ZDHHC9: variants seen among roughly 807,000 people sequenced by gnomAD.
The protein encoded by ZDHHC9 is zDHHC palmitoyltransferase 9.
ZDHHC9 carries 3 observed loss-of-function variants against 26.6 expected under a neutral mutation model. The observed-to-expected ratio is 0.11, with a 90% CI of 0.05 to 0.29. The LOEUF (loss-of-function observed/expected upper bound fraction) is 0.29, where lower values mean the gene tolerates loss of function less well. Among genes scored for constraint, ZDHHC9 ranks in the 10% least tolerant of loss-of-function variants. The probability of loss-of-function intolerance (pLI) is 1.00; values close to 1 mark genes in which losing one functional copy is unlikely to be tolerated. For synonymous variants in ZDHHC9, 111 were observed against 109.4 expected, an observed-to-expected ratio of 1.01 and a Z score of -0.09; for missense variants, 146 against 296.4, an observed-to-expected ratio of 0.49 and a Z score of 3.73.
intron 3 of ZDHHC9, among the ~76,000 whole-genome samples, chrX:129,841,327 C>G (rs748178430): frequency 8.9e-6 from 1 of 112,323 alleles, no homozygotes; most frequent in South Asian, 3.7e-4. Flanking sequence ...AGGTTCCCAA[C>G]TCAGTTGGCT....
chrX:129,812,406 G>C (rs968855651), intron 8 of ZDHHC9, among the ~76,000 whole-genome samples: 1 of 112,236 alleles, frequency 8.9e-6, no homozygotes, highest in Non-Finnish European at 1.9e-5. Context: ...TTTTTATATA[G>C]CAAGGATTCA....
intron 5 of ZDHHC9, among the ~76,000 whole-genome samples, chrX:129,819,793 G>GT (rs1308656288): frequency 1.8e-5 from 2 of 110,853 alleles, no homozygotes; most frequent in Non-Finnish European, 3.8e-5. Context: ...CACCTCATGG[G>GT]TTTTTTATTC....
rs1033348609 is a variant in ZDHHC9, at chrX:129,828,233, G to A, written c.328+748C>T. On this transcript the variant is annotated intron_variant, in intron 4 of 10. Coordinates refer to ENST00000357166, the MANE Select transcript of ZDHHC9 (RefSeq NM_016032.4). Reference sequence around the variant, plus strand: ...ATGCATATAAGAGCATTTTTATGGGGAGAAGGTTTACAGCTTTCATCAAAA... The same window carrying A: ...ATGCATATAAGAGCATTTTTATGGGAAGAAGGTTTACAGCTTTCATCAAAA... Among the ~76,000 whole-genome samples the A allele has an allele frequency of 4.5e-5, 5 of 111,960 alleles. No individual in the cohort carries two copies. In the Admixed American group the frequency reaches 4.7e-4, roughly 11 times the overall value.
chrX:129,841,553 G>A (rs1323165433), intron 3 of ZDHHC9, among the ~76,000 whole-genome samples: 1 of 112,017 alleles, frequency 8.9e-6, no homozygotes, highest in Non-Finnish European at 1.9e-5. Context: ...ATCAAGGACA[G>A]CCCCAAATCA....
chrX:129,813,763 T>C, intron 6 of ZDHHC9, 38 bp from the exon 7 acceptor site: 1 of 1,146,936 alleles, frequency 8.7e-7, no homozygotes. Context: ...GAAAAATTAG[T>C]GACTTCAGTC....
intron 6 of ZDHHC9, 65 bp from the exon 7 acceptor site, chrX:129,813,790 C>T (rs1927699087): frequency 1.0e-6 from 1 of 982,918 alleles, no homozygotes; most frequent in African/African-American, 1.9e-5. Flanking sequence ...ACACACTATC[C>T]TAGTGCCTAC....
At chrX:129,830,846 C>T (rs1277588766) in intron 3 of ZDHHC9, among the ~76,000 whole-genome samples, 1 of 111,948 alleles carries the variant, frequency 8.9e-6, no homozygotes, top group Non-Finnish European at 1.9e-5. Flanking sequence ...TGGGGGGACA[C>T]AAGCCAAGTT....
intron 3 of ZDHHC9, among the ~76,000 whole-genome samples, chrX:129,834,192 C>T (rs1018364932): frequency 2.2e-4 from 24 of 111,596 alleles, no homozygotes; most frequent in Admixed American, 1.7e-3. Context: ...AGGCCTTCAT[C>T]AGTCACCAAA....
intron 4 of ZDHHC9, among the ~76,000 whole-genome samples, chrX:129,828,176 C>G (rs1384786141): frequency 8.9e-6 from 1 of 112,005 alleles, no homozygotes; most frequent in Non-Finnish European, 1.9e-5. Context: ...CTATGAATCC[C>G]TGAAATTACA....
intron 3 of ZDHHC9, among the ~76,000 whole-genome samples, chrX:129,834,265 G>T (rs960410574): frequency 1.8e-5 from 2 of 111,499 alleles, no homozygotes; most frequent in Admixed American, 9.5e-5. Context: ...AATTTCTGTT[G>T]TTTATAAGCC....
intron 5 of ZDHHC9, among the ~76,000 whole-genome samples, chrX:129,821,296 CTT>C (rs748605366): frequency 5.0e-5 from 5 of 99,317 alleles, no homozygotes; most frequent in Non-Finnish European, 4.1e-5. Flanking sequence ...AGACCTTCTT[CTT>C]TTTTTTTTTT....
chrX:129,835,147 A>G (rs1484259032), intron 3 of ZDHHC9, among the ~76,000 whole-genome samples: 1 of 112,609 alleles, frequency 8.9e-6, no homozygotes, highest in East Asian at 2.8e-4. Context: ...TGACAGAACC[A>G]TAAAGAATTA....
At chrX:129,826,559 C>A (rs1009590288) in intron 4 of ZDHHC9, among the ~76,000 whole-genome samples, 1 of 111,375 alleles carries the variant, frequency 9.0e-6, no homozygotes. Context: ...AGGCAGGAGA[C>A]AAGTCAAGGT....
intron 3 of ZDHHC9, among the ~76,000 whole-genome samples, chrX:129,831,722 T>C (rs1928143083): frequency 8.9e-6 from 1 of 112,025 alleles, no homozygotes; most frequent in South Asian, 3.7e-4. Flanking sequence ...CAGTCGTCTC[T>C]AGTGAGTGGG....
intron 3 of ZDHHC9, among the ~76,000 whole-genome samples, chrX:129,835,010 C>G (rs1195746761): frequency 1.8e-5 from 2 of 112,414 alleles, no homozygotes; most frequent in Non-Finnish European, 3.8e-5. Context: ...TTTCCCAAAA[C>G]AGAGGATCAC....
chrX:129,807,451 T>G (rs935157397), intron 10 of ZDHHC9, among the ~76,000 whole-genome samples: 7 of 71,334 alleles, frequency 9.8e-5, no homozygotes, highest in Non-Finnish European at 1.7e-4. Context: ...AGACTCCGTC[T>G]CAGAAAAAAA....
In ZDHHC9 at chrX:129,832,784, AAAAT is replaced by A. The variant is rs58029912; in HGVS notation, c.168-3647_168-3644del. On this transcript the variant is annotated intron_variant, in intron 3 of 10. Transcript: ENST00000357166. ...GGTGACAGTGCAAGACTCCGTCTCA[AAAAT>A]AAATAAATAAATAAATAAATAAATA... Among the ~76,000 whole-genome samples, 7 of 100,242 alleles carry A rather than the reference AAAAT, an allele frequency of 7.0e-5. 1 individual carries two copies. The highest frequency in any genetic ancestry group is 7.7e-5 in the Non-Finnish European group (4 of 51,986). 87.0% of individuals were successfully genotyped at this position (100,242 alleles called of 115,157 possible).
Position 129,814,926 on chromosome X carries a change from T to G in ZDHHC9, c.488-131A>C, listed in dbSNP as rs781697243. The G allele has an allele frequency of 4.4e-4, 338 of 760,028 alleles. 1 individual carries two copies. The African/African-American group carries it at 5.7e-3, about 13-fold the overall frequency. 62.6% of individuals were successfully genotyped at this position (760,028 alleles called of 1,213,427 possible). A position where few individuals can be genotyped will look rare whatever the true frequency, so the allele number is the denominator to read the frequency against. On this transcript the variant is annotated intron_variant, in intron 5 of 10. Transcript: ENST00000357166. The stretch of plus-strand genomic sequence containing the variant: ...TCAGTTGTAAAAAATATAGGGTTTT[T>G]TTTTTTTTTTACTTTTTCAAAATGT...
chrX:129,819,885 C>T (rs1018684649), intron 5 of ZDHHC9, among the ~76,000 whole-genome samples: 12 of 110,059 alleles, frequency 1.1e-4, no homozygotes, highest in Non-Finnish European at 2.3e-4. Flanking sequence ...TTAGTAGAGA[C>T]GAGGTTTCAC....
Sources: allele counts gnomAD v4.1 joint callset (sites outside exome capture counted in the v4.1 genomes callset), GRCh38; gene constraint gnomAD v4.1.1; transcripts MANE v1.5; gene names NCBI Gene and HGNC (gene_info 2026-07-23, HGNC 2026-07-21).